Variants in CNNM1 observed in about 807,000 individuals in gnomAD.
The protein encoded by CNNM1 is cyclin and CBS domain divalent metal cation transport mediator 1, also known as metal transporter CNNM1.
A neutral mutation model predicts 78.8 loss-of-function variants in CNNM1; 44 were observed. The observed-to-expected ratio is 0.56, with a 90% confidence interval of 0.44 to 0.72. CNNM1 has a LOEUF of 0.72. Ranked by LOEUF, CNNM1 falls within the 30% of genes least tolerant of loss-of-function variation. CNNM1 has a pLI of 0.00. For missense variants in CNNM1, 1,101 were observed against 1,292.2 expected (o/e 0.85, Z 2.27); for synonymous variants, 584 against 581.5 (o/e 1.00, Z -0.06).
chr10:99,341,728 A>G (rs772948515), intron 1 of CNNM1, among the ~76,000 whole-genome samples: 1 of 152,194 alleles, frequency 6.6e-6, no homozygotes, highest in African/African-American at 2.4e-5. Flanking sequence ...GAAAGCCATT[A>G]TCATAATGCT....
intron 1 of CNNM1, among the ~76,000 whole-genome samples, chr10:99,346,183 T>A (rs1021380311): frequency 1.3e-5 from 2 of 152,170 alleles, no homozygotes; most frequent in Admixed American, 6.5e-5. Context: ...AATGCAGTAT[T>A]TCGGGGATCG....
intron 1 of CNNM1, among the ~76,000 whole-genome samples, chr10:99,339,250 C>T (rs954916205): frequency 1.3e-5 from 2 of 152,226 alleles, no homozygotes; most frequent in Admixed American, 6.5e-5. Flanking sequence ...TTGATTCATT[C>T]AGTAAACATT....
intron 6 of CNNM1, among the ~76,000 whole-genome samples, chr10:99,370,747 G>A (rs1057478501): frequency 6.6e-6 from 1 of 152,028 alleles, no homozygotes; most frequent in Non-Finnish European, 1.5e-5. Context: ...TTTTTACTTT[G>A]CAAAATGTGC....
In CNNM1 at chr10:99,387,815, TC is replaced by T. The variant is rs1177285369; in HGVS notation, c.2341-3del. 6.3e-7 allele frequency: 1 copy of T among 1,589,394 alleles called. No individual in the cohort carries two copies. Among genetic ancestry groups the T allele is most frequent in the Non-Finnish European group, 8.6e-7 (1 of 1,167,810 alleles). ...GCTCCTAAGCTCCTGCCCTCTTCCT[TC>T]CAGATCACACGGCAGCAATATCAGA... is the stretch of plus-strand genomic sequence containing the variant. On this transcript the variant is annotated splice_region_variant and splice_polypyrimidine_tract_variant and intron_variant, in intron 7 of 10. Coordinates refer to ENST00000356713, the MANE Select transcript of CNNM1 (RefSeq NM_020348.3).
chr10:99,334,587 G>T (rs1363840576), intron 1 of CNNM1, among the ~76,000 whole-genome samples: 2 of 152,066 alleles, frequency 1.3e-5, no homozygotes, highest in Non-Finnish European at 2.9e-5. Context: ...GGAGGCGGAG[G>T]TTGCAGTGAG....
chr10:99,339,024 G>A (rs1379657411), intron 1 of CNNM1, among the ~76,000 whole-genome samples: 1 of 152,194 alleles, frequency 6.6e-6, no homozygotes. Context: ...GACAACAGGG[G>A]AAAGGAATAA....
intron 6 of CNNM1, among the ~76,000 whole-genome samples, chr10:99,371,900 C>T (rs1443033214): frequency 6.6e-6 from 1 of 152,192 alleles, no homozygotes; most frequent in Non-Finnish European, 1.5e-5. Context: ...GGCACAATCA[C>T]AGTCAGACCA....
intron 1 of CNNM1, among the ~76,000 whole-genome samples, chr10:99,343,411 T>C (rs2030542764): frequency 6.6e-6 from 1 of 152,258 alleles, no homozygotes; most frequent in African/African-American, 2.4e-5. Flanking sequence ...CACAGCCATA[T>C]AAACAAAATT....
chr10:99,358,587 TG>T (rs2031308795), intron 2 of CNNM1, among the ~76,000 whole-genome samples: 1 of 151,988 alleles, frequency 6.6e-6, no homozygotes, highest in Admixed American at 6.6e-5. Flanking sequence ...GCAGAAAGAG[TG>T]CCTTCCTTTT....
intron 1 of CNNM1, among the ~76,000 whole-genome samples, chr10:99,338,043 T>A (rs2030267067): frequency 6.6e-6 from 1 of 152,162 alleles, no homozygotes; most frequent in African/African-American, 2.4e-5. Context: ...TGAGATAAAA[T>A]CTCTGTTCCC....
chr10:99,365,181 C>CT, intron 6 of CNNM1, 179 bp downstream of exon 6: 4 of 698,966 alleles, frequency 5.7e-6, no homozygotes, highest in Non-Finnish European at 1.0e-5. Flanking sequence ...ACCATGGGAG[C>CT]TTAGGTTCTG....
At chr10:99,390,632 C>G (rs1396665338) in intron 10 of CNNM1, among the ~76,000 whole-genome samples, 1 of 152,252 alleles carries the variant, frequency 6.6e-6, no homozygotes, top group African/African-American at 2.4e-5. Context: ...GAAGTCTGCA[C>G]ACCATGCCCA....
Position 99,364,491 on chromosome 10 carries a change from A to T in CNNM1, c.2103A>T (p.Pro701=). 6.2e-7 allele frequency: 1 copy of T among 1,611,970 alleles called. No homozygotes were observed. Among genetic ancestry groups the T allele is most frequent in the South Asian group, 1.1e-5 (1 of 90,376 alleles). Residue 701 remains proline, a synonymous_variant, in exon 5 of 11, where the codon CCA becomes CCT. Transcript: ENST00000356713. The part of the protein sequence containing the change: ...ENGAFTYYGV[P]AIMTTACSDN... The stretch of plus-strand genomic sequence containing the variant: ...GAGCCTTTACTTACTATGGCGTCCC[A>T]GCCATCATGACCACTGCTTGCTCAG...
chr10:99,361,119 GACAGGGT>G, intron 3 of CNNM1, 144 bp downstream of exon 3: 1 of 890,184 alleles, frequency 1.1e-6, no homozygotes, highest in East Asian at 2.8e-5. Flanking sequence ...GGTTGCCTTA[GACAGGGT>G]AATGGATGCC....
In CNNM1 at chr10:99,329,881, G is replaced by A; in HGVS notation, c.494G>A (p.Arg165Gln). 1 of 1,394,180 alleles carries A rather than the reference G, an allele frequency of 7.2e-7. No homozygotes were observed. The highest frequency in any genetic ancestry group is 9.2e-7 in the Non-Finnish European group (1 of 1,081,478). The allele number at this position is 1,394,180 out of a possible 1,614,324, so 86.4% of individuals were successfully genotyped here. ...TCGGCCCTGGTCCAGGTGCGAGTGC[G>A]GGAGCTGCGCAAGGGCGAAGCGGAG... ...AGSALVQVRV[R>Q]ELRKGEAERG... Residue 165 changes from arginine (R) to glutamine (Q), a missense_variant, in exon 1 of 11, where the codon CGG (arginine) becomes CAG (glutamine). Physicochemically the swap from Arg to Gln is conservative, Grantham distance 43 (BLOSUM62 1). This residue lies in a region of CNNM1 where 476 missense variants were observed against 484.5 expected (regional missense o/e 0.98). Transcript: ENST00000356713.
rs1378740791 is a variant in CNNM1, at chr10:99,330,593, G to A, written c.1206G>A (p.Arg402=). The A allele has an allele frequency of 6.2e-7, 1 of 1,612,602 alleles. No individual in the cohort carries two copies. The highest frequency in any genetic ancestry group is 8.5e-7 in the Non-Finnish European group (1 of 1,179,370). The change falls in exon 1 of 11, where the codon CGG becomes CGA. Residue 402 remains arginine, a synonymous_variant. Coordinates refer to ENST00000356713, the MANE Select transcript of CNNM1 (RefSeq NM_020348.3). The part of the protein sequence containing the change: ...YTREKLLETL[R]AADPYSDLVK... ...GGGAGAAGTTGCTGGAGACGTTGCG[G>A]GCCGCAGACCCCTACAGTGACCTGG...
At position 99,330,068 on chromosome 10, in the gene CNNM1, C is replaced by T. The variant is rs1351058419; in HGVS notation, c.681C>T (p.Leu227=). Reference sequence around the variant, plus strand: ...TGCCCCCTGCGTGGCTGCGGGCGCTCGGGGCGCTCCTGCTGCTAGCCTTGT... The same window carrying T: ...TGCCCCCTGCGTGGCTGCGGGCGCTTGGGGCGCTCCTGCTGCTAGCCTTGT... The part of the protein sequence containing the change: ...DLLPPAWLRA[L]GALLLLALSA... Residue 227 remains leucine, a synonymous_variant, in exon 1 of 11, where the codon CTC becomes CTT. Transcript: ENST00000356713. The T allele has an allele frequency of 6.6e-6, 10 of 1,517,206 alleles. No homozygotes were observed. Among genetic ancestry groups the T allele is most frequent in the South Asian group, 1.2e-5 (1 of 82,158 alleles). 94.0% of individuals were successfully genotyped at this position (1,517,206 alleles called of 1,614,324 possible).
At chr10:99,354,730 G>A (rs1261401552) in intron 1 of CNNM1, among the ~76,000 whole-genome samples, 1 of 152,078 alleles carries the variant, frequency 6.6e-6, no homozygotes, top group Non-Finnish European at 1.5e-5. Context: ...GCAGCAGTGG[G>A]GAAGAGAAAT....
intron 1 of CNNM1, among the ~76,000 whole-genome samples, chr10:99,355,204 T>C (rs996369127): frequency 1.4e-5 from 2 of 140,826 alleles, no homozygotes; most frequent in African/African-American, 2.7e-5. Flanking sequence ...ATGTTCTCAC[T>C]CATAGGTGGG....
Sources: allele counts gnomAD v4.1 joint callset (sites outside exome capture counted in the v4.1 genomes callset), GRCh38; gene constraint gnomAD v4.1.1; regional missense constraint gnomAD v4.1.1; transcripts MANE v1.5; gene names NCBI Gene and HGNC (gene_info 2026-07-23, HGNC 2026-07-21).